TMEM132E: variants seen among roughly 807,000 people sequenced by gnomAD.
The protein encoded by TMEM132E is transmembrane protein 132E.
In TMEM132E, 49 loss-of-function variants were observed where a neutral mutation model predicts 78.5. That is an observed-to-expected ratio of 0.62 (90% CI 0.50 to 0.79). The LOEUF is 0.79. Ranked by LOEUF, TMEM132E falls within the 30% of genes least tolerant of loss-of-function variation. The probability of loss-of-function intolerance (pLI) is 0.00; values close to 1 mark genes in which losing one functional copy is unlikely to be tolerated. For missense variants in TMEM132E, 1,403 were observed against 1,470.9 expected, an observed-to-expected ratio of 0.95 and a Z score of 0.75; for synonymous variants, 715 against 670.6, an observed-to-expected ratio of 1.07 and a Z score of -1.02.
intron 1 of TMEM132E, among the ~76,000 whole-genome samples, chr17:34,624,489 C>T (rs1907060926): frequency 6.6e-6 from 1 of 152,164 alleles, no homozygotes; most frequent in African/African-American, 2.4e-5. Context: ...GTTGAGGGCA[C>T]ATCTTGGAGG....
intron 1 of TMEM132E, among the ~76,000 whole-genome samples, chr17:34,595,754 A>G (rs1182261894): frequency 6.6e-6 from 1 of 152,168 alleles, no homozygotes; most frequent in Non-Finnish European, 1.5e-5. Flanking sequence ...TTGGTTTCAC[A>G]TGAGGGTATT....
At position 34,638,272 on chromosome 17, in the gene TMEM132E, G is replaced by T. The variant is rs752189001; in HGVS notation, c.*40G>T. ...GTAGCAGGGACCCCCCCCCCCAACG[G>T]GGTCAGCTCGGGGTAGGACACAGCC... On this transcript the variant is annotated 3_prime_UTR_variant, in exon 9 of 9. Coordinates refer to ENST00000631683, the MANE Select transcript of TMEM132E (RefSeq NM_001304438.2). 4.1e-6 allele frequency: 6 copies of T among 1,447,348 alleles called. No homozygotes were observed. In the Admixed American group the frequency reaches 7.0e-5, roughly 17 times the overall value. 89.7% of individuals were successfully genotyped at this position (1,447,348 alleles called of 1,614,324 possible).
At position 34,626,540 on chromosome 17, in the gene TMEM132E, C is replaced by T. The variant is rs1424057357; in HGVS notation, c.481C>T (p.Arg161Trp). 3 of 1,596,982 alleles carry T rather than the reference C, an allele frequency of 1.9e-6. No homozygotes were observed. Among genetic ancestry groups the T allele is most frequent in the South Asian group, 1.1e-5 (1 of 90,410 alleles). Residue 161 changes from arginine to tryptophan, a missense_variant, in exon 2 of 9, where the codon CGG (arginine) becomes TGG (tryptophan). By Grantham distance (101) the Arg-to-Trp change is moderately radical. This residue lies in a region of TMEM132E where 511 missense variants were observed against 499.0 expected (regional missense o/e 1.02). Coordinates refer to ENST00000631683, the MANE Select transcript of TMEM132E (RefSeq NM_001304438.2). ...RDWDDFGVTE[R>W]LPCVRLHAFR... ...CTGGGACGACTTCGGCGTCACCGAG[C>T]GGCTGCCCTGTGTCCGCCTGCATGC...
At chr17:34,581,186 G>A (rs1270405352) in intron 1 of TMEM132E, 43 bp downstream of exon 1, 1 of 1,477,198 alleles carries the variant, frequency 6.8e-7, no homozygotes. Context: ...TGCGGCAGGC[G>A]CCACTGGAGG....
rs1355747046 is a variant in TMEM132E, at chr17:34,580,847, G to C, written c.-230G>C. ...GGGGCACCAGCTGGGGGAGGTGGAG[G>C]CTCCTCCCGCCCGGAGCTGCGCCCC... On this transcript the variant is annotated 5_prime_UTR_variant, in exon 1 of 9. Transcript: ENST00000631683. The C allele has an allele frequency of 8.8e-6, 4 of 456,344 alleles. No individual in the cohort carries two copies. The highest frequency in any genetic ancestry group is 2.1e-5 in the African/African-American group (1 of 48,620). 28.3% of individuals were successfully genotyped at this position (456,344 alleles called of 1,614,324 possible).
chr17:34,633,277 T>C (rs939040592), intron 6 of TMEM132E, among the ~76,000 whole-genome samples: 5 of 152,206 alleles, frequency 3.3e-5, no homozygotes, highest in African/African-American at 9.7e-5. Context: ...AAGAGACAAC[T>C]CTTGAGCTAA....
intron 4 of TMEM132E, 101 bp from the exon 5 acceptor site, chr17:34,629,907 T>C: frequency 7.8e-7 from 1 of 1,285,688 alleles, no homozygotes; most frequent in African/African-American, 1.9e-5. Context: ...GATGTGCATC[T>C]GAGGAGTGGG....
chr17:34,593,432 G>A (rs1161049781), intron 1 of TMEM132E, among the ~76,000 whole-genome samples: 1 of 152,192 alleles, frequency 6.6e-6, no homozygotes, highest in African/African-American at 2.4e-5. Flanking sequence ...CACATGTGGT[G>A]AGTGGCCACC....
intron 8 of TMEM132E, among the ~76,000 whole-genome samples, chr17:34,636,776 T>C (rs537463072): frequency 1.3e-5 from 2 of 152,322 alleles, no homozygotes; most frequent in South Asian, 4.1e-4. Context: ...AGGGGGTGTG[T>C]ATTCTCAACA....
chr17:34,616,015 T>TGTGAA (rs2142071160), intron 1 of TMEM132E, among the ~76,000 whole-genome samples: 1 of 152,280 alleles, frequency 6.6e-6, no homozygotes, highest in South Asian at 2.1e-4. Context: ...AGGTGGGGGA[T>TGTGAA]GTGAAGCCAC....
intron 1 of TMEM132E, among the ~76,000 whole-genome samples, chr17:34,585,818 C>T (rs1309981348): frequency 6.6e-6 from 1 of 152,230 alleles, no homozygotes; most frequent in Non-Finnish European, 1.5e-5. Context: ...CCAGACCTGA[C>T]CTCCAGCTCT....
chr17:34,586,821 G>T (rs1203943691), intron 1 of TMEM132E, among the ~76,000 whole-genome samples: 2 of 151,524 alleles, frequency 1.3e-5, no homozygotes, highest in Middle Eastern at 3.2e-3. Context: ...AAAAAAAAGG[G>T]AAGTAGAAAA....
chr17:34,622,800 C>G (rs1241899643), intron 1 of TMEM132E, among the ~76,000 whole-genome samples: 2 of 152,180 alleles, frequency 1.3e-5, no homozygotes, highest in African/African-American at 4.8e-5. Flanking sequence ...TGTCTGTGCC[C>G]CTGTGGAACT....
intron 1 of TMEM132E, among the ~76,000 whole-genome samples, chr17:34,592,779 A>G (rs1905919888): frequency 6.6e-6 from 1 of 152,220 alleles, no homozygotes; most frequent in Non-Finnish European, 1.5e-5. Flanking sequence ...ATTGGCATCA[A>G]GGAACACTTA....
chr17:34,591,095 G>C (rs1905852116), intron 1 of TMEM132E, among the ~76,000 whole-genome samples: 1 of 152,136 alleles, frequency 6.6e-6, no homozygotes, highest in Non-Finnish European at 1.5e-5. Flanking sequence ...ATGGCAAATT[G>C]AAGGTGAGGA....
intron 1 of TMEM132E, among the ~76,000 whole-genome samples, chr17:34,622,472 C>T (rs768315325): frequency 5.9e-5 from 9 of 152,214 alleles, no homozygotes; most frequent in Admixed American, 1.3e-4. Context: ...GTCAGCTTTC[C>T]GGCTCCCTCT....
chr17:34,602,682 G>A (rs771706318), intron 1 of TMEM132E, among the ~76,000 whole-genome samples: 4 of 150,670 alleles, frequency 2.7e-5, no homozygotes, highest in Non-Finnish European at 5.9e-5. Flanking sequence ...GGCAGAGGGA[G>A]GGCTTCACCC....
At chr17:34,584,158 T>G (rs1320722867) in intron 1 of TMEM132E, among the ~76,000 whole-genome samples, 1 of 152,234 alleles carries the variant, frequency 6.6e-6, no homozygotes, top group Non-Finnish European at 1.5e-5. Flanking sequence ...CCAAAGCCAT[T>G]TATGATCTTG....
chr17:34,638,263 C>CG lies in TMEM132E; in HGVS notation c.*31_*32insG, dbSNP rs753954852. On this transcript the variant is annotated 3_prime_UTR_variant, in exon 9 of 9. Coordinates refer to ENST00000631683, the MANE Select transcript of TMEM132E (RefSeq NM_001304438.2). ...CCAGCCGGAGTAGCAGGGACCCCCC[C>CG]CCCCAACGGGGTCAGCTCGGGGTAG... 6 of 1,473,878 alleles carry CG rather than the reference C, an allele frequency of 4.1e-6. No individual in the cohort carries two copies. The Admixed American group carries it at 1.2e-4, about 30-fold the overall frequency. 91.3% of individuals were successfully genotyped at this position (1,473,878 alleles called of 1,614,324 possible).
Sources: gnomAD v4.1 joint callset for allele counts (sites outside exome capture counted in the v4.1 genomes callset) on GRCh38, gnomAD v4.1.1 for gene constraint, gnomAD v4.1.1 regional missense constraint, MANE v1.5 for transcripts, NCBI Gene and HGNC (gene_info 2026-07-23, HGNC 2026-07-21) for gene names.